The following SLC43A2 variants were observed in gnomAD, a reference collection of about 807,000 sequenced individuals.
SLC43A2 encodes solute carrier family 43 member 2, also known as large neutral amino acids transporter small subunit 4.
A neutral mutation model predicts 63.2 loss-of-function variants in SLC43A2; 38 were observed. The observed-to-expected ratio is 0.60, with a 90% CI of 0.46 to 0.79. The LOEUF is 0.79. Among genes scored for constraint, SLC43A2 ranks in the 30% least tolerant of loss-of-function variants. The pLI is 0.00. For synonymous variants in SLC43A2, 322 were observed against 331.0 expected (o/e 0.97, Z 0.30); for missense variants, 644 against 756.2 (o/e 0.85, Z 1.74).
Position 1,570,201 on chromosome 17 carries a change from TGTATTTTTA to T in SLC43A2, c.*5394_*5402del, listed in dbSNP as rs534431831. 6.6e-6 allele frequency: 1 copy of T among 151,172 alleles called. No homozygotes were observed. Among genetic ancestry groups the T allele is most frequent in the Non-Finnish European group, 1.5e-5 (1 of 67,754 alleles). The allele number at this position is 151,172 out of a possible 1,614,324, so 9.4% of individuals were successfully genotyped here. Reference sequence around the variant, plus strand: ...AGCCACTGCGCCCGGCCCTAATTTTTGTATTTTTAGTAGAGTTGAGGTTTCACCATGTTG... The same window carrying T: ...AGCCACTGCGCCCGGCCCTAATTTTTGTAGAGTTGAGGTTTCACCATGTTG... On this transcript the variant is annotated 3_prime_UTR_variant, in exon 14 of 14. Transcript: ENST00000301335.
chr17:1,620,039 T>A (rs1240140469), intron 2 of SLC43A2, among the ~76,000 whole-genome samples: 3 of 152,138 alleles, frequency 2.0e-5, no homozygotes, highest in Admixed American at 2.0e-4. Flanking sequence ...TCTAAACCCA[T>A]GGGTTTTCTC....
rs574290031 is a variant in SLC43A2, at chr17:1,605,316, G to A, written c.501+7879C>T. 3.2e-5 allele frequency: 27 copies of A among 845,926 alleles called. No homozygotes were observed. In the East Asian group the frequency reaches 6.6e-4, roughly 21 times the overall value. The allele number at this position is 845,926 out of a possible 1,614,324, so 52.4% of individuals were successfully genotyped here. On this transcript the variant is annotated intron_variant, in intron 5 of 13. Transcript: ENST00000301335. The surrounding 1 kb of genome is among the most constrained non-coding windows in gnomAD (Gnocchi z 4.9). ...AGAGGGGAAAACAGCAGCTGCAGGC[G>A]GCCCCTCCCCTGGCATTCTGGCCAT...
At chr17:1,610,100 TG>T (rs1190362629) in intron 5 of SLC43A2, among the ~76,000 whole-genome samples, 1 of 151,516 alleles carries the variant, frequency 6.6e-6, no homozygotes, top group Non-Finnish European at 1.5e-5. Context: ...TTAGTAGAGA[TG>T]GGGTTTCATT....
chr17:1,578,209 C>T lies in SLC43A2; in HGVS notation c.1424+41G>A. On this transcript the variant is annotated intron_variant, in intron 12 of 13. Transcript: ENST00000301335. The surrounding 1 kb of genome is among the most constrained non-coding windows in gnomAD (Gnocchi z 6.5). The stretch of plus-strand genomic sequence containing the variant: ...AGCAACCTCCCCCCGGCCATTCCCA[C>T]ACCCTCGCCCACCAGGCCACCTGCG... 1.3e-6 allele frequency: 2 copies of T among 1,599,792 alleles called. No individual in the cohort carries two copies. The highest frequency in any genetic ancestry group is 1.1e-5 in the South Asian group (1 of 90,744).
intron 9 of SLC43A2, among the ~76,000 whole-genome samples, chr17:1,588,638 G>A (rs1423587802): frequency 6.7e-6 from 1 of 149,924 alleles, no homozygotes; most frequent in Admixed American, 6.7e-5. Flanking sequence ...CGGAGGCCGT[G>A]GTGAGCTATC....
rs1904965931 is a variant in SLC43A2 at position 1,593,029 on chromosome 17, A to G, written c.594+158T>C. Among the ~76,000 whole-genome samples, 1 of 151,684 alleles carries G rather than the reference A, an allele frequency of 6.6e-6. No homozygotes were observed. Among genetic ancestry groups the G allele is most frequent in the African/African-American group, 2.4e-5 (1 of 41,308 alleles). ...CGTCCCCTGAGGCCCCGCGGTTTTC[A>G]TTTGTCGCCCCTGTGATGCCCAGGT... On this transcript the variant is annotated intron_variant, in intron 6 of 13. Transcript: ENST00000301335. This position sits in a 1 kb window ranked among gnomAD's most constrained non-coding sequence, Gnocchi z 5.3.
chr17:1,586,170 C>G (rs2076099055), intron 9 of SLC43A2, 119 bp from the exon 10 acceptor site: 2 of 1,414,540 alleles, frequency 1.4e-6, no homozygotes, highest in South Asian at 1.5e-5. Context: ...CCCCAGAACC[C>G]CCTGTCACTA....
intron 11 of SLC43A2, among the ~76,000 whole-genome samples, chr17:1,579,291 T>G (rs894817180): frequency 6.6e-6 from 1 of 151,028 alleles, no homozygotes; most frequent in Non-Finnish European, 1.5e-5. Context: ...TGAAACCCCA[T>G]CTTTACTAAA....
intron 2 of SLC43A2, among the ~76,000 whole-genome samples, chr17:1,619,444 G>A (rs1178586714): frequency 6.6e-6 from 1 of 152,270 alleles, no homozygotes; most frequent in Non-Finnish European, 1.5e-5. Flanking sequence ...ACCATGTGGA[G>A]CCACAGAAAT....
intron 6 of SLC43A2, among the ~76,000 whole-genome samples, chr17:1,592,894 C>T (rs1337911277): frequency 6.6e-6 from 1 of 152,158 alleles, no homozygotes; most frequent in Non-Finnish European, 1.5e-5. Flanking sequence ...ACGGAGGAGA[C>T]GGGGGCAAGA....
rs77056495 is a variant in SLC43A2, at chr17:1,585,998, C to T, written c.1132G>A (p.Ala378Thr). 1 of 1,612,640 alleles carries T rather than the reference C, an allele frequency of 6.2e-7. No individual in the cohort carries two copies. The highest frequency in any genetic ancestry group is 2.2e-5 in the East Asian group (1 of 44,868). The change falls in exon 10 of 14, where the codon GCC becomes ACC. Residue 378 changes from alanine to threonine, a missense_variant. Around this residue, in one of 3 missense-constraint regions of SLC43A2, gnomAD observed 528 missense variants for 623.6 expected, o/e 0.85. Transcript: ENST00000301335. ...TCCATGATGTAGCCAATGACGGGGG[C>T]CGTCAGCAGGCACAGCAGCTGGAGC... ...GVLQLLCLLT[A>T]PVIGYIMDWR... is the part of the protein sequence containing the mutation.
At chr17:1,590,974 G>A in intron 8 of SLC43A2, 26 bp from the exon 9 acceptor site, 1 of 1,547,384 alleles carries the variant, frequency 6.5e-7, no homozygotes, top group Non-Finnish European at 8.7e-7. Context: ...GCGGGGCTCA[G>A]GGCCGGGGCA....
chr17:1,584,349 A>G (rs1243532890), intron 10 of SLC43A2, among the ~76,000 whole-genome samples: 1 of 152,140 alleles, frequency 6.6e-6, no homozygotes, highest in Non-Finnish European at 1.5e-5. Context: ...GGCCCTAGGC[A>G]AACTACTGCA....
In SLC43A2 at chr17:1,586,017, C is replaced by G; in HGVS notation, c.1113G>C (p.Gln371His). The change falls in exon 10 of 14, where the codon CAG becomes CAC. Residue 371 changes from glutamine to histidine, a missense_variant. Around this residue, in one of 3 missense-constraint regions of SLC43A2, gnomAD observed 528 missense variants for 623.6 expected, o/e 0.85. Coordinates refer to ENST00000301335, the MANE Select transcript of SLC43A2 (RefSeq NM_152346.3). ...GLYTSIFGVL[Q>H]LLCLLTAPVI... ...CGGGGGCCGTCAGCAGGCACAGCAGCTGGAGCACGCCGAAGATGGAGGTGT... is the reference window on the plus strand; with the variant it reads ...CGGGGGCCGTCAGCAGGCACAGCAGGTGGAGCACGCCGAAGATGGAGGTGT... 2 of 1,609,636 alleles carry G rather than the reference C, an allele frequency of 1.2e-6. No individual in the cohort carries two copies. Among genetic ancestry groups the G allele is most frequent in the Non-Finnish European group, 1.7e-6 (2 of 1,178,378 alleles).
chr17:1,594,763 T>A (rs2151050165), intron 5 of SLC43A2, among the ~76,000 whole-genome samples: 1 of 151,808 alleles, frequency 6.6e-6, no homozygotes, highest in South Asian at 2.1e-4. Flanking sequence ...AATTTTTTTG[T>A]ATTTTCAGTA....
At chr17:1,596,652 C>T (rs7211336) in intron 5 of SLC43A2, among the ~76,000 whole-genome samples, 41,379 of 151,668 alleles carry the variant, frequency 0.27, 6,214 homozygotes, top group Non-Finnish European at 0.34. Flanking sequence ...CGATCTCGGC[C>T]CACTCCAACC....
rs1274031107 is a variant in SLC43A2, at chr17:1,570,588, AC to A, written c.*5015del. 3 of 143,932 alleles carry A rather than the reference AC, an allele frequency of 2.1e-5. No individual in the cohort carries two copies. In the East Asian group the frequency reaches 6.3e-4, roughly 30 times the overall value. The allele number at this position is 143,932 out of a possible 1,614,324, so 8.9% of individuals were successfully genotyped here. A position where few individuals can be genotyped will look rare whatever the true frequency, so the allele number is the denominator to read the frequency against. ...TGCAAGCTCCGCCTCCCGGGTTCAC[AC>A]CATTCTCCTGCCTCAGCCTCCCAAG... On this transcript the variant is annotated 3_prime_UTR_variant, in exon 14 of 14. Transcript: ENST00000301335.
In SLC43A2 at chr17:1,591,815, G is replaced by T; in HGVS notation, c.595-116C>A. On this transcript the variant is annotated intron_variant, in intron 6 of 13. Transcript: ENST00000301335. ...ACCCCTGCTGTCCCTGTGCTGAGCCGCGCAAAGAGGCACAGCCCTGCCAGC... is the reference window on the plus strand; with the variant it reads ...ACCCCTGCTGTCCCTGTGCTGAGCCTCGCAAAGAGGCACAGCCCTGCCAGC... The T allele has an allele frequency of 2.6e-6, 2 of 774,096 alleles. 1 individual carries two copies. Among genetic ancestry groups the T allele is most frequent in the South Asian group, 3.7e-5 (2 of 54,784 alleles). The allele number at this position is 774,096 out of a possible 1,614,324, so 48.0% of individuals were successfully genotyped here.
intron 5 of SLC43A2, among the ~76,000 whole-genome samples, chr17:1,595,158 A>C (rs560864145): frequency 6.6e-6 from 1 of 152,030 alleles, no homozygotes; most frequent in Non-Finnish European, 1.5e-5. Context: ...GCAGGCGCCT[A>C]TAATCCCAGC....
Sources: allele counts gnomAD v4.1 joint callset (sites outside exome capture counted in the v4.1 genomes callset), GRCh38; gene constraint gnomAD v4.1.1; regional missense constraint gnomAD v4.1.1; non-coding constraint Gnocchi (gnomAD v3.1); transcripts MANE v1.5; gene names NCBI Gene and HGNC (gene_info 2026-07-23, HGNC 2026-07-21).